The following ZNF572 variants were observed in gnomAD, a reference collection of about 807,000 sequenced individuals.
ZNF572 encodes zinc finger protein 572.
In ZNF572, 2 loss-of-function variants were observed where a neutral mutation model predicts 3.8. That is an observed-to-expected ratio of 0.52 (90% CI 0.21 to 1.65). The LOEUF (loss-of-function observed/expected upper bound fraction) is 1.65. ZNF572 is among the 40% of genes most tolerant of loss of function. ZNF572 has a pLI of 0.20. For missense variants in ZNF572, 581 were observed against 633.4 expected, an observed-to-expected ratio of 0.92 and a Z score of 0.89; for synonymous variants, 187 against 204.5, an observed-to-expected ratio of 0.91 and a Z score of 0.73.
At position 124,978,058 on chromosome 8, in the gene ZNF572, G is replaced by A. The variant is rs1346841739; in HGVS notation, c.*200G>A. The A allele has an allele frequency of 1.7e-5, 9 of 530,364 alleles. No individual in the cohort carries two copies. The highest frequency in any genetic ancestry group is 2.8e-5 in the Non-Finnish European group (9 of 317,382). The allele number at this position is 530,364 out of a possible 1,614,324, so 32.9% of individuals were successfully genotyped here. A position where few individuals can be genotyped will look rare whatever the true frequency, so the allele number is the denominator to read the frequency against. On this transcript the variant is annotated 3_prime_UTR_variant, in exon 3 of 3. Transcript: ENST00000319286. ...GTCCAGTGAGAGATTCATCCACCAA[G>A]GATGAAGAAAGGAGGACTTTTAAAA...
chr8:124,978,103 TAGC>T lies in ZNF572; in HGVS notation c.*246_*248del. The T allele has an allele frequency of 4.3e-6, 2 of 462,356 alleles. No homozygotes were observed. 28.6% of individuals were successfully genotyped at this position (462,356 alleles called of 1,614,324 possible). A position where few individuals can be genotyped will look rare whatever the true frequency, so the allele number is the denominator to read the frequency against. On this transcript the variant is annotated 3_prime_UTR_variant, in exon 3 of 3. Transcript: ENST00000319286. Reference sequence around the variant, plus strand: ...TTAAAAATTTAAGGTAAGATAGTAATAGCTTCAAAAGAACACATACAGAGTAAT... The same window carrying T: ...TTAAAAATTTAAGGTAAGATAGTAATTTCAAAAGAACACATACAGAGTAAT...
At chr8:124,973,742 A>G (rs79265633) in intron 1 of ZNF572, among the ~76,000 whole-genome samples, 4,561 of 152,210 alleles carry the variant, frequency 0.03, 103 homozygotes, top group Non-Finnish European at 0.048. Flanking sequence ...CTCTGATCAC[A>G]TTGTTGCTCT....
At chr8:124,973,875 A>C (rs542686816) in intron 1 of ZNF572, among the ~76,000 whole-genome samples, 70 of 152,292 alleles carry the variant, frequency 4.6e-4, no homozygotes, top group Non-Finnish European at 8.8e-4. Context: ...CAAATTTAAT[A>C]GTATTTTAGT....
rs1309094742 is a variant in ZNF572 at position 124,978,349 on chromosome 8, A to C, written c.*491A>C. ...ATGCATTTTTAGTCACTAAAAATTA[A>C]CTGTCGTACCATCTAGAACTATACT... On this transcript the variant is annotated 3_prime_UTR_variant, in exon 3 of 3. Coordinates refer to ENST00000319286, the MANE Select transcript of ZNF572 (RefSeq NM_152412.3). The C allele has an allele frequency of 6.4e-6, 1 of 156,804 alleles. No homozygotes were observed. The highest frequency in any genetic ancestry group is 1.4e-5 in the Non-Finnish European group (1 of 71,094). The allele number at this position is 156,804 out of a possible 1,614,324, so 9.7% of individuals were successfully genotyped here. A position where few individuals can be genotyped will look rare whatever the true frequency, so the allele number is the denominator to read the frequency against.
intron 1 of ZNF572, among the ~76,000 whole-genome samples, chr8:124,975,302 A>T (rs1814493729): frequency 1.3e-5 from 2 of 152,212 alleles, no homozygotes; most frequent in African/African-American, 2.4e-5. Context: ...TTTTAAAGTA[A>T]AAGTGTTTCT....
At chr8:124,973,637 C>T (rs942387468) in intron 1 of ZNF572, among the ~76,000 whole-genome samples, 13 of 152,304 alleles carry the variant, frequency 8.5e-5, no homozygotes, top group Middle Eastern at 6.8e-3. Context: ...ACTTCACCCC[C>T]CAGCGTCTCC....
chr8:124,974,180 T>C (rs963221515), intron 1 of ZNF572, among the ~76,000 whole-genome samples: 5 of 152,220 alleles, frequency 3.3e-5, no homozygotes, highest in Non-Finnish European at 7.3e-5. Flanking sequence ...TAGACCTCTG[T>C]TTTAAAATGC....
Position 124,977,739 on chromosome 8 carries a change from G to A in ZNF572, c.1471G>A (p.Val491Ile), listed in dbSNP as rs764912008. 2.0e-5 allele frequency: 33 copies of A among 1,614,172 alleles called. No individual in the cohort carries two copies. The highest frequency in any genetic ancestry group is 3.3e-5 in the South Asian group (3 of 91,080). The change falls in exon 3 of 3, where the codon GTA becomes ATA. Residue 491 changes from valine (V) to isoleucine (I), a missense_variant. Val to Ile is a conservative substitution (Grantham distance 29, BLOSUM62 3). Coordinates refer to ENST00000319286, the MANE Select transcript of ZNF572 (RefSeq NM_152412.3). ...AYLSQHRKIH[V>I]EKPFESPDVG... ...CCTCAGTCAGCATCGGAAAATTCAC[G>A]TAGAAAAGCCTTTTGAGTCTCCCGA...
Position 124,976,396 on chromosome 8 carries a change from A to C in ZNF572, c.128A>C (p.Lys43Thr), listed in dbSNP as rs1422310799. 6.2e-7 allele frequency: 1 copy of C among 1,610,480 alleles called. No individual in the cohort carries two copies. The highest frequency in any genetic ancestry group is 8.5e-7 in the Non-Finnish European group (1 of 1,178,450). Residue 43 changes from lysine to threonine, a missense_variant, in exon 3 of 3, where the codon AAG becomes ACG. Lys to Thr is a moderately conservative substitution (Grantham distance 78, BLOSUM62 -1). Coordinates refer to ENST00000319286, the MANE Select transcript of ZNF572 (RefSeq NM_152412.3). ...GAAACTGTTCACCACAATAATTCTA[A>C]GGCAGATAAACTTAAAGAGAAACCT... ...NLETVHHNNS[K>T]ADKLKEKPSE... is the part of the protein sequence containing the mutation.
At position 124,975,723 on chromosome 8, in the gene ZNF572, A is replaced by C. The variant is rs1043887384; in HGVS notation, c.79+4A>C. On this transcript the variant is annotated splice_donor_region_variant and intron_variant, in intron 2 of 2. Transcript: ENST00000319286. ...AGTTTGAAAAGCCCTTTCACAGGTGAGGGATCAAGACGATGATCTGAATCC... is the reference window on the plus strand; with the variant it reads ...AGTTTGAAAAGCCCTTTCACAGGTGCGGGATCAAGACGATGATCTGAATCC... 3.7e-6 allele frequency: 6 copies of C among 1,611,854 alleles called. No homozygotes were observed. The highest frequency in any genetic ancestry group is 3.3e-5 in the Admixed American group (2 of 59,996).
Position 124,977,772 on chromosome 8 carries a change from GA to G in ZNF572, c.1505del (p.Asp502ValfsTer45). ...GCCTTTTGAGTCTCCCGACGTTGGG[GA>G]TTTTCCTCATGAATGGACTTGGAAA... Reference protein sequence around the residue: ...EKPFESPDVGDFPHEWTWKNC... With the variant: ...EKPFESPDVGXFPHEWTWKNC... On this transcript the variant is annotated frameshift_variant, in exon 3 of 3. Transcript: ENST00000319286. LOFTEE classifies it low-confidence loss of function (END_TRUNC). 2 of 1,614,072 alleles carry G rather than the reference GA, an allele frequency of 1.2e-6. No homozygotes were observed. Among genetic ancestry groups the G allele is most frequent in the Non-Finnish European group, 8.5e-7 (1 of 1,179,948 alleles).
In ZNF572 at chr8:124,976,419, C is replaced by A; in HGVS notation, c.151C>A (p.Pro51Thr). 1 of 1,612,844 alleles carries A rather than the reference C, an allele frequency of 6.2e-7. No individual in the cohort carries two copies. The highest frequency in any genetic ancestry group is 1.7e-5 in the Admixed American group (1 of 59,770). ...TAAGGCAGATAAACTTAAAGAGAAA[C>A]CTTCAGAATGGTCTAAAAGACATAG... ...NSKADKLKEK[P>T]SEWSKRHRPQ... Residue 51 changes from proline (P) to threonine (T), a missense_variant, in exon 3 of 3, where the codon CCT becomes ACT. Transcript: ENST00000319286.
chr8:124,977,127 C>T lies in ZNF572; in HGVS notation c.859C>T (p.Leu287Phe), dbSNP rs1330642625. ...GAAGAGTTTTAGTCAGAGTTCCAGC[C>T]TCATTCGCCACCAGCGGACACACAC... The part of the protein sequence containing the change: ...CGKSFSQSSS[L>F]IRHQRTHTGE... The change falls in exon 3 of 3, where the codon CTC (leucine) becomes TTC (phenylalanine). Residue 287 changes from leucine (L) to phenylalanine (F), a missense_variant. Physicochemically the swap from Leu to Phe is conservative, Grantham distance 22. Transcript: ENST00000319286. 40 of 1,608,666 alleles carry T rather than the reference C, an allele frequency of 2.5e-5. No individual in the cohort carries two copies. The highest frequency in any genetic ancestry group is 3.3e-5 in the Non-Finnish European group (39 of 1,179,998).
At position 124,977,107 on chromosome 8, in the gene ZNF572, G is replaced by A; in HGVS notation, c.839G>A (p.Ser280Asn). 1.2e-6 allele frequency: 2 copies of A among 1,609,114 alleles called. No homozygotes were observed. The highest frequency in any genetic ancestry group is 1.7e-6 in the Non-Finnish European group (2 of 1,179,988). Reference protein sequence around the residue: ...KPYKCPDCGKSFSQSSSLIRH... With the variant: ...KPYKCPDCGKNFSQSSSLIRH... Reference sequence around the variant, plus strand: ...TATAAGTGCCCTGATTGTGGGAAGAGTTTTAGTCAGAGTTCCAGCCTCATT... The same window carrying A: ...TATAAGTGCCCTGATTGTGGGAAGAATTTTAGTCAGAGTTCCAGCCTCATT... Residue 280 changes from serine (S) to asparagine (N), a missense_variant, in exon 3 of 3, where the codon AGT (serine) becomes AAT (asparagine). Transcript: ENST00000319286.
intron 1 of ZNF572, among the ~76,000 whole-genome samples, 186 bp downstream of exon 1, chr8:124,973,602 G>T (rs1183613206): frequency 6.6e-6 from 1 of 152,218 alleles, no homozygotes; most frequent in Non-Finnish European, 1.5e-5. Flanking sequence ...GATCTTGTCG[G>T]CCGGAGACCG....
chr8:124,974,907 G>A (rs1436469643), intron 1 of ZNF572, among the ~76,000 whole-genome samples: 2 of 152,142 alleles, frequency 1.3e-5, no homozygotes, highest in Non-Finnish European at 2.9e-5. Context: ...TAGCCAGGAT[G>A]GAACATTTTC....
Position 124,976,753 on chromosome 8 carries a change from GCT to G in ZNF572, c.488_489del (p.Ser163Ter). On this transcript the variant is annotated frameshift_variant, in exon 3 of 3. Transcript: ENST00000319286. LOFTEE classifies it low-confidence loss of function (END_TRUNC). ...CACTCAGGAGAAAAGCCTTATAAATGCTCTGAGTGTGCAAAATGTTTTTGTAA... is the reference window on the plus strand; with the variant it reads ...CACTCAGGAGAAAAGCCTTATAAATGCTGAGTGTGCAAAATGTTTTTGTAA... 6.2e-7 allele frequency: 1 copy of G among 1,614,170 alleles called. No individual in the cohort carries two copies. Among genetic ancestry groups the G allele is most frequent in the African/African-American group, 1.3e-5 (1 of 75,054 alleles).
intron 1 of ZNF572, 77 bp from the exon 2 acceptor site, chr8:124,975,529 G>A (rs1814496270): frequency 1.2e-6 from 1 of 820,036 alleles, no homozygotes; most frequent in Admixed American, 2.1e-5. Context: ...CTATTGTTGT[G>A]TTGGAATGGT....
Position 124,976,874 on chromosome 8 carries a change from T to C in ZNF572, c.606T>C (p.His202=), listed in dbSNP as rs1376925566. ...ECGKSFSNTS[H]LIIHERTHTG... ...GGAAAAGCTTCAGCAATACCTCCCA[T>C]CTTATTATCCATGAGAGAACTCACA... Residue 202 remains histidine, a synonymous_variant, in exon 3 of 3, where the codon CAT becomes CAC. Coordinates refer to ENST00000319286, the MANE Select transcript of ZNF572 (RefSeq NM_152412.3). 1.9e-6 allele frequency: 3 copies of C among 1,613,916 alleles called. No homozygotes were observed. Among genetic ancestry groups the C allele is most frequent in the African/African-American group, 1.3e-5 (1 of 74,866 alleles).
Sources: allele counts gnomAD v4.1 joint callset (sites outside exome capture counted in the v4.1 genomes callset), GRCh38; gene constraint gnomAD v4.1.1; transcripts MANE v1.5; gene names NCBI Gene and HGNC (gene_info 2026-07-23, HGNC 2026-07-21).